The following SLC12A2 variants were observed in gnomAD, a reference collection of about 807,000 sequenced individuals.
The protein encoded by SLC12A2 is Na-K-2Cl cotransporter 1.
Under a neutral mutation model 136.3 loss-of-function variants are expected in SLC12A2, and 67 were observed. The observed-to-expected ratio is 0.49, with a 90% CI of 0.40 to 0.60. SLC12A2 has a LOEUF of 0.60. SLC12A2 is among the 20% of genes least tolerant of loss of function. The pLI is 0.00. For synonymous variants in SLC12A2, 619 were observed against 562.9 expected (o/e 1.10, Z -1.41); for missense variants, 1,322 against 1,534.7 (o/e 0.86, Z 2.32).
At chr5:128,100,055 A>G (rs1561656074) in intron 1 of SLC12A2, among the ~76,000 whole-genome samples, 1 of 152,166 alleles carries the variant, frequency 6.6e-6, no homozygotes, top group Non-Finnish European at 1.5e-5. Context: ...ATACTTTTAT[A>G]TTACTGTCAG....
Position 128,158,552 on chromosome 5 carries a change from A to G in SLC12A2, c.2475+388A>G, listed in dbSNP as rs75551005. 6.4e-3 allele frequency among the ~76,000 whole-genome samples: 974 copies of G among 152,310 alleles called. 16 individuals carry two copies. The East Asian group carries it at 0.065, about 10-fold the overall frequency. On this transcript the variant is annotated intron_variant, in intron 16 of 26. Transcript: ENST00000262461. The stretch of plus-strand genomic sequence containing the variant: ...TGATCTCATTCTTTTTTATGGCTGC[A>G]TAATACTCCATGGTATTACAGGTAC...
At chr5:128,138,779 A>G in intron 8 of SLC12A2, 45 bp from the exon 9 acceptor site, 2 of 1,599,380 alleles carry the variant, frequency 1.3e-6, no homozygotes, top group African/African-American at 1.3e-5. Context: ...GAATTTGTAT[A>G]TTTATTTTTA....
rs913409006 is a variant in SLC12A2, at chr5:128,187,652, G to A, written c.*1021G>A. ...CATCAAATGGTTAAATGGACCACTG[G>A]TTTCTTAGAGAAATGTTTTTAGGCT... On this transcript the variant is annotated 3_prime_UTR_variant, in exon 27 of 27. Coordinates refer to ENST00000262461, the MANE Select transcript of SLC12A2 (RefSeq NM_001046.3). The A allele has an allele frequency of 6.6e-5, 10 of 152,456 alleles. No individual in the cohort carries two copies. Among genetic ancestry groups the A allele is most frequent in the Non-Finnish European group, 1.5e-4 (10 of 67,994 alleles). The allele number at this position is 152,456 out of a possible 1,614,324, so 9.4% of individuals were successfully genotyped here.
At chr5:128,129,475 C>CTT (rs549925133) in intron 4 of SLC12A2, among the ~76,000 whole-genome samples, 2 of 130,932 alleles carry the variant, frequency 1.5e-5, no homozygotes, top group African/African-American at 5.5e-5. Flanking sequence ...GGTTAGGTTG[C>CTT]TTTTTTTTTT....
intron 1 of SLC12A2, among the ~76,000 whole-genome samples, chr5:128,091,722 A>G (rs759285668): frequency 6.6e-6 from 1 of 152,164 alleles, no homozygotes; most frequent in African/African-American, 2.4e-5. Context: ...GGGGTTTCTA[A>G]TTGGAAGAAG....
At chr5:128,104,587 G>A (rs1207315218) in intron 1 of SLC12A2, among the ~76,000 whole-genome samples, 4 of 151,562 alleles carry the variant, frequency 2.6e-5, no homozygotes, top group Non-Finnish European at 5.9e-5. Context: ...AGCCCAGATC[G>A]TGCCATTGCA....
intron 11 of SLC12A2, among the ~76,000 whole-genome samples, chr5:128,148,475 T>TTTA (rs1217466313): frequency 2.6e-5 from 4 of 151,944 alleles, no homozygotes; most frequent in Non-Finnish European, 5.9e-5. Context: ...CAACTTTGTT[T>TTTA]TTACTTGTAT....
Position 128,180,877 on chromosome 5 carries a change from A to AC in SLC12A2, c.3101-6_3101-5insC. 1 of 1,486,462 alleles carries AC rather than the reference A, an allele frequency of 6.7e-7. No individual in the cohort carries two copies. Among genetic ancestry groups the AC allele is most frequent in the East Asian group, 2.3e-5 (1 of 44,162 alleles). 92.1% of individuals were successfully genotyped at this position (1,486,462 alleles called of 1,614,324 possible). A position where few individuals can be genotyped will look rare whatever the true frequency, so the allele number is the denominator to read the frequency against. On this transcript the variant is annotated splice_polypyrimidine_tract_variant and splice_region_variant and intron_variant, in intron 22 of 26. Coordinates refer to ENST00000262461, the MANE Select transcript of SLC12A2 (RefSeq NM_001046.3). ...GTAAATGATTTATTACATTTTTATA[A>AC]TTCAGGTTTGACCTTATTGATACCT...
intron 16 of SLC12A2, 120 bp downstream of exon 16, chr5:128,158,284 G>A: frequency 1.4e-6 from 1 of 726,250 alleles, no homozygotes; most frequent in Non-Finnish European, 2.2e-6. Flanking sequence ...TTGGTGTACA[G>A]ATTGTTTTGT....
intron 10 of SLC12A2, among the ~76,000 whole-genome samples, chr5:128,146,361 A>G (rs562101119): frequency 2.0e-5 from 3 of 151,860 alleles, no homozygotes; most frequent in East Asian, 1.9e-4. Context: ...AGGGTCACAC[A>G]TGGCATTTAG....
chr5:128,155,429 T>C (rs1762845451), intron 15 of SLC12A2, among the ~76,000 whole-genome samples: 1 of 152,180 alleles, frequency 6.6e-6, no homozygotes. Flanking sequence ...TGATTTTGAT[T>C]AGATCATATT....
Position 128,084,019 on chromosome 5 carries a change from C to G in SLC12A2, c.65C>G (p.Pro22Arg). Residue 22 changes from proline to arginine, a missense_variant, in exon 1 of 27, where the codon CCG becomes CGG. Pro to Arg is a moderately radical substitution (Grantham distance 103, BLOSUM62 -2). Transcript: ENST00000262461. The surrounding 1 kb of genome is among the most constrained non-coding windows in gnomAD (Gnocchi z 5.6). The stretch of plus-strand genomic sequence containing the variant: ...GGACTGGCCGGGGTCGGGGAGACGC[C>G]GTCAGCCGCTGCGCTGGCCGCAGCC... ...APGLAGVGET[P>R]SAAALAAARV... The G allele has an allele frequency of 8.0e-7, 1 of 1,256,566 alleles. No individual in the cohort carries two copies. The highest frequency in any genetic ancestry group is 1.0e-6 in the Non-Finnish European group (1 of 1,003,084). The allele number at this position is 1,256,566 out of a possible 1,614,324, so 77.8% of individuals were successfully genotyped here.
chr5:128,185,577 A>G (rs1763841985), intron 26 of SLC12A2, among the ~76,000 whole-genome samples: 1 of 152,194 alleles, frequency 6.6e-6, no homozygotes, highest in African/African-American at 2.4e-5. Flanking sequence ...CTGTAAATGG[A>G]AAAGACACCA....
At chr5:128,183,401 ATAATTT>A (rs1465739378) in intron 24 of SLC12A2, among the ~76,000 whole-genome samples, 1 of 152,072 alleles carries the variant, frequency 6.6e-6, no homozygotes, top group African/African-American at 2.4e-5. Context: ...TTTACCTGAT[ATAATTT>A]TAATTCTTAG....
chr5:128,084,254 GGCGGCGGCAGCGGCGGCGGCT>G lies in SLC12A2; in HGVS notation c.302_322del (p.Ala101_Ala107del). 2.4e-6 allele frequency: 3 copies of G among 1,238,218 alleles called. No individual in the cohort carries two copies. The highest frequency in any genetic ancestry group is 3.0e-6 in the Non-Finnish European group (3 of 987,652). The allele number at this position is 1,238,218 out of a possible 1,614,324, so 76.7% of individuals were successfully genotyped here. A position where few individuals can be genotyped will look rare whatever the true frequency, so the allele number is the denominator to read the frequency against. Reference sequence around the variant, plus strand: ...GGGCCGCTGCTGCGGCGGCGGCGGCGGCGGCGGCAGCGGCGGCGGCTGGTGCTGGGGCGGGGGCCAAGCAGA... The same window carrying G: ...GGGCCGCTGCTGCGGCGGCGGCGGCGGGTGCTGGGGCGGGGGCCAAGCAGA... On this transcript the variant is annotated inframe_deletion, in exon 1 of 27. Transcript: ENST00000262461. The surrounding 1 kb of genome is among the most constrained non-coding windows in gnomAD (Gnocchi z 5.6).
chr5:128,149,792 A>G (rs1762641143), intron 12 of SLC12A2, among the ~76,000 whole-genome samples: 2 of 151,934 alleles, frequency 1.3e-5, no homozygotes, highest in African/African-American at 4.8e-5. Context: ...GAGATAAAGT[A>G]TAAAGGGGAT....
At chr5:128,163,049 G>A (rs1328421462) in intron 17 of SLC12A2, among the ~76,000 whole-genome samples, 2 of 152,044 alleles carry the variant, frequency 1.3e-5, no homozygotes, top group Non-Finnish European at 1.5e-5. Context: ...CAAAAGATTG[G>A]ACACCCCTGA....
intron 4 of SLC12A2, among the ~76,000 whole-genome samples, chr5:128,115,958 GT>G (rs1406367682): frequency 1.3e-5 from 2 of 152,142 alleles, no homozygotes; most frequent in Non-Finnish European, 2.9e-5. Context: ...GTTGACTGAA[GT>G]TTTATGCTTC....
chr5:128,109,824 A>G (rs1350647821), intron 1 of SLC12A2: 1 of 791,630 alleles, frequency 1.3e-6, no homozygotes, highest in Non-Finnish European at 2.3e-6. Context: ...ATGGGAGTTA[A>G]ATTCCAAGGT....
Sources: gnomAD v4.1 joint callset for allele counts (sites outside exome capture counted in the v4.1 genomes callset) on GRCh38, gnomAD v4.1.1 for gene constraint, Gnocchi (gnomAD v3.1) non-coding constraint, MANE v1.5 for transcripts, NCBI Gene and HGNC (gene_info 2026-07-23, HGNC 2026-07-21) for gene names.